Variants in ZBTB20 observed in about 807,000 individuals in gnomAD.
ZBTB20 encodes the protein zinc finger and BTB domain containing 20.
In ZBTB20, 9 loss-of-function variants were observed where a neutral mutation model predicts 56.9. That is an observed-to-expected ratio of 0.16 (90% CI 0.10 to 0.28). The LOEUF is 0.28. ZBTB20 is among the 10% of genes least tolerant of loss of function. The pLI, the probability that ZBTB20 is intolerant of heterozygous loss-of-function variation, is 1.00. For synonymous variants in ZBTB20, 417 were observed against 420.7 expected, an observed-to-expected ratio of 0.99 and a Z score of 0.11; for missense variants, 655 against 1,003.0, an observed-to-expected ratio of 0.65 and a Z score of 4.69.
intron 1 of ZBTB20, among the ~76,000 whole-genome samples, chr3:115,082,964 T>A (rs2082851646): frequency 6.6e-6 from 1 of 152,072 alleles, no homozygotes; most frequent in South Asian, 2.1e-4. Flanking sequence ...AACAGGTCTA[T>A]CCTCACAAGC....
rs1054414010 is a variant in ZBTB20, at chr3:114,527,898, G to A, written c.-294-27507C>T. On this transcript the variant is annotated intron_variant, in intron 6 of 11. Transcript: ENST00000675478. The stretch of plus-strand genomic sequence containing the variant: ...TAGAGTTTTCATTTTCTTTTACTAG[G>A]ATGGGAGACTTCTAGATGTGGGTCT... 5.3e-5 allele frequency among the ~76,000 whole-genome samples: 8 copies of A among 152,072 alleles called. No homozygotes were observed. In the East Asian group the frequency reaches 1.5e-3, roughly 29 times the overall value.
chr3:114,906,075 A>T (rs2075306410), intron 3 of ZBTB20, among the ~76,000 whole-genome samples: 2 of 151,850 alleles, frequency 1.3e-5, no homozygotes, highest in Admixed American at 1.3e-4. Context: ...TTCCCACTAG[A>T]TTGTATACTC....
chr3:114,681,303 G>A (rs759430247), intron 6 of ZBTB20, among the ~76,000 whole-genome samples: 2 of 152,090 alleles, frequency 1.3e-5, no homozygotes, highest in African/African-American at 4.8e-5. Flanking sequence ...GGGACTATTA[G>A]GCGTGTGCCA....
intron 6 of ZBTB20, among the ~76,000 whole-genome samples, chr3:114,637,676 ATCT>A (rs762050055): frequency 1.3e-5 from 2 of 152,108 alleles, no homozygotes; most frequent in African/African-American, 4.8e-5. Context: ...TTCAATAAAC[ATCT>A]TCTATGTGTG....
intron 6 of ZBTB20, among the ~76,000 whole-genome samples, chr3:114,598,210 A>G (rs773853033): frequency 7.9e-5 from 12 of 152,152 alleles, no homozygotes; most frequent in Admixed American, 2.6e-4. Flanking sequence ...ACATACACAT[A>G]AATATACTGA....
rs909132426 is a variant in ZBTB20, at chr3:114,693,567, T to A, written c.-334A>T. ...ATGAGGAATATCCTGTTAGTAATGA[T>A]GAAACATTCTGAAATAAAAAGAGTA... On this transcript the variant is annotated 5_prime_UTR_variant, in exon 6 of 12. Transcript: ENST00000675478. 1.3e-5 allele frequency: 2 copies of A among 152,106 alleles called. No homozygotes were observed. The highest frequency in any genetic ancestry group is 4.8e-5 in the African/African-American group (2 of 41,430). The allele number at this position is 152,106 out of a possible 1,614,324, so 9.4% of individuals were successfully genotyped here.
intron 5 of ZBTB20, among the ~76,000 whole-genome samples, chr3:114,755,730 C>G (rs1172185846): frequency 6.6e-6 from 1 of 152,086 alleles, no homozygotes; most frequent in Non-Finnish European, 1.5e-5. Context: ...ACTTCCACAT[C>G]CATGTCCCAG....
chr3:114,592,541 G>C (rs900688863), intron 6 of ZBTB20, among the ~76,000 whole-genome samples: 2 of 152,186 alleles, frequency 1.3e-5, no homozygotes, highest in African/African-American at 4.8e-5. Context: ...AGGTAAATGT[G>C]AAAGTATCAT....
intron 6 of ZBTB20, among the ~76,000 whole-genome samples, chr3:114,536,272 T>G (rs1365480863): frequency 2.0e-5 from 3 of 152,198 alleles, no homozygotes; most frequent in Non-Finnish European, 4.4e-5. Context: ...AAAATCTCCT[T>G]AAGCTGATAA....
intron 4 of ZBTB20, among the ~76,000 whole-genome samples, chr3:114,852,295 G>A (rs563778893): frequency 2.0e-4 from 31 of 151,716 alleles, no homozygotes; most frequent in African/African-American, 7.3e-4. Flanking sequence ...ACAGAGTCTT[G>A]CTCTGTTGCC....
At chr3:115,048,902 T>C (rs1449893420) in intron 2 of ZBTB20, among the ~76,000 whole-genome samples, 1 of 152,186 alleles carries the variant, frequency 6.6e-6, no homozygotes, top group Non-Finnish European at 1.5e-5. Flanking sequence ...TCCATGCACA[T>C]ATTAGCTTAC....
intron 7 of ZBTB20, among the ~76,000 whole-genome samples, chr3:114,418,296 G>A (rs920472486): frequency 6.6e-6 from 1 of 152,056 alleles, no homozygotes; most frequent in Admixed American, 6.6e-5. Flanking sequence ...AGCTGTGACA[G>A]CCTTATGGCT....
intron 10 of ZBTB20, among the ~76,000 whole-genome samples, chr3:114,366,375 T>C (rs1034497085): frequency 2.0e-5 from 3 of 152,022 alleles, no homozygotes; most frequent in Admixed American, 6.6e-5. Context: ...TTGCAACTGC[T>C]ATCATTTCTG....
At chr3:114,856,747 A>C (rs566754776) in intron 4 of ZBTB20, among the ~76,000 whole-genome samples, 5 of 152,320 alleles carry the variant, frequency 3.3e-5, no homozygotes, top group Admixed American at 2.0e-4. Context: ...TTGCAAATTC[A>C]AATTCCAATT....
chr3:114,477,669 A>C (rs1000028852), intron 7 of ZBTB20, among the ~76,000 whole-genome samples: 2 of 151,258 alleles, frequency 1.3e-5, no homozygotes, highest in Non-Finnish European at 3.0e-5. Context: ...CTAATTTTGT[A>C]TTTTTAGTAG....
rs1006328507 is a variant in ZBTB20, at chr3:114,358,645, T to C, written c.200-6767A>G. Among the ~76,000 whole-genome samples the C allele has an allele frequency of 3.3e-5, 5 of 152,230 alleles. No individual in the cohort carries two copies. In the South Asian group the frequency reaches 8.3e-4, roughly 25 times the overall value. ...AAGGATGAGGGCATGCCTATCCATA[T>C]TGTAAAACTGTAAATACAACTGACT... is the stretch of plus-strand genomic sequence containing the variant. On this transcript the variant is annotated intron_variant, in intron 10 of 11. Transcript: ENST00000675478.
At chr3:114,467,445 G>T (rs2109213076) in intron 7 of ZBTB20, among the ~76,000 whole-genome samples, 1 of 152,292 alleles carries the variant, frequency 6.6e-6, no homozygotes, top group Admixed American at 6.5e-5. Context: ...GAGTGTAAAG[G>T]TGAAGAATGC....
At chr3:114,362,101 CA>C (rs1467144979) in intron 10 of ZBTB20, among the ~76,000 whole-genome samples, 1 of 152,166 alleles carries the variant, frequency 6.6e-6, no homozygotes, top group African/African-American at 2.4e-5. Context: ...AATTTGGTGA[CA>C]GGGGCCTCAG....
chr3:115,106,463 G>A (rs1173061923), intron 1 of ZBTB20, among the ~76,000 whole-genome samples: 1 of 151,834 alleles, frequency 6.6e-6, no homozygotes, highest in Non-Finnish European at 1.5e-5. Context: ...TCGATCTCCT[G>A]ACCTTGTGTT....
Sources: allele counts gnomAD v4.1 joint callset (sites outside exome capture counted in the v4.1 genomes callset), GRCh38; gene constraint gnomAD v4.1.1; transcripts MANE v1.5; gene names NCBI Gene and HGNC (gene_info 2026-07-23, HGNC 2026-07-21).